EPHA4: variants seen among roughly 807,000 people sequenced by gnomAD.
EPHA4 encodes the protein ephrin type-A receptor 4.
EPHA4 carries 19 observed loss-of-function variants against 108.3 expected under a neutral mutation model. That is an observed-to-expected ratio of 0.18 (90% confidence interval 0.12 to 0.26). EPHA4 has a LOEUF of 0.26. Among genes scored for constraint, EPHA4 ranks in the 10% least tolerant of loss-of-function variants. EPHA4 has a pLI of 1.00. For synonymous variants in EPHA4, 449 were observed against 455.5 expected (o/e 0.99, Z 0.18); for missense variants, 917 against 1,254.0 (o/e 0.73, Z 4.06).
chr2:221,497,063 G>A (rs571749187), intron 4 of EPHA4, among the ~76,000 whole-genome samples: 6 of 14,686 alleles, frequency 4.1e-4, no homozygotes, highest in African/African-American at 1.4e-3. Flanking sequence ...AATTATGCAC[G>A]CAAGGGTAAA....
intron 8 of EPHA4, among the ~76,000 whole-genome samples, chr2:221,446,864 T>G (rs1690609105): frequency 6.6e-6 from 1 of 152,200 alleles, no homozygotes; most frequent in East Asian, 1.9e-4. Context: ...TGAGCTTTGT[T>G]TTGCTTTGCC....
intron 17 of EPHA4, among the ~76,000 whole-genome samples, chr2:221,423,850 C>T (rs57997414): frequency 0.073 from 11,127 of 151,940 alleles, 1,365 homozygotes; most frequent in African/African-American, 0.25. Context: ...GCGCAGTGAC[C>T]GACGCCTGTA....
intron 3 of EPHA4, among the ~76,000 whole-genome samples, chr2:221,526,534 A>G (rs962274355): frequency 1.9e-3 from 205 of 107,202 alleles, no homozygotes; most frequent in African/African-American, 9.2e-3. Context: ...AAACAACACA[A>G]TCTAGTGTAA....
At chr2:221,546,976 C>G (rs540257151) in intron 3 of EPHA4, among the ~76,000 whole-genome samples, 64 of 152,218 alleles carry the variant, frequency 4.2e-4, no homozygotes, top group African/African-American at 1.5e-3. Context: ...ATTTTTGTGG[C>G]TATCATAATT....
chr2:221,572,187 G>A lies in EPHA4; in HGVS notation c.62C>T (p.Thr21Ile), dbSNP rs765396923. 43 of 1,614,026 alleles carry A rather than the reference G, an allele frequency of 2.7e-5. No individual in the cohort carries two copies. In the South Asian group the frequency reaches 4.6e-4, roughly 17 times the overall value. The change falls in exon 1 of 18, where the codon ACA becomes ATA. Residue 21 changes from threonine (T) to isoleucine (I), a missense_variant. Transcript: ENST00000281821. ...ATTCGCGGGGTATACCCTGGAACCT[G>A]TGACAGCGTCGCAAATCCCGAAGAG... ...SCLFGICDAV[T>I]GSRVYPANEV...
intron 3 of EPHA4, among the ~76,000 whole-genome samples, chr2:221,522,960 C>A (rs1474645221): frequency 6.6e-6 from 1 of 151,954 alleles, no homozygotes; most frequent in Non-Finnish European, 1.5e-5. Context: ...CCATGTTCGC[C>A]AGGCTGGTCT....
At position 221,482,668 on chromosome 2, in the gene EPHA4, G is replaced by T; in HGVS notation, c.1002C>A (p.Asn334Lys). 1 of 1,598,822 alleles carries T rather than the reference G, an allele frequency of 6.3e-7. No homozygotes were observed. Among genetic ancestry groups the T allele is most frequent in the South Asian group, 1.1e-5 (1 of 90,654 alleles). Residue 334 changes from asparagine to lysine, a missense_variant, in exon 5 of 18, where the codon AAC becomes AAA. Physicochemically the swap from Asn to Lys is moderately conservative, Grantham distance 94 (BLOSUM62 0). Coordinates refer to ENST00000281821, the MANE Select transcript of EPHA4 (RefSeq NM_004438.5). Reference protein sequence around the residue: ...PCTRPPSAPLNLISNVNETSV... With the variant: ...PCTRPPSAPLKLISNVNETSV... ...ATGTCTCGTTGACATTTGAAATCAA[G>T]TTCAGGGGAGCAGATGGTGGACCTG...
chr2:221,558,611 CA>C (rs780950195), intron 3 of EPHA4, among the ~76,000 whole-genome samples: 153 of 152,156 alleles, frequency 1.0e-3, no homozygotes, highest in Non-Finnish European at 2.0e-3. Flanking sequence ...CAAGGAAGCT[CA>C]GTTAGACTAA....
intron 3 of EPHA4, among the ~76,000 whole-genome samples, chr2:221,547,259 A>C (rs1002287500): frequency 3.9e-5 from 6 of 152,226 alleles, no homozygotes; most frequent in African/African-American, 1.4e-4. Context: ...CATACCCAAC[A>C]TTTAGATTAT....
At position 221,443,505 on chromosome 2, in the gene EPHA4, C is replaced by T; in HGVS notation, c.1876G>A (p.Val626Ile). Residue 626 changes from valine (V) to isoleucine (I), a missense_variant, in exon 10 of 18, where the codon GTT becomes ATT. Around this residue, in one of 3 missense-constraint regions of EPHA4, gnomAD observed 758 missense variants for 1,076.7 expected, o/e 0.70. Coordinates refer to ENST00000281821, the MANE Select transcript of EPHA4 (RefSeq NM_004438.5). ...CTCAGACACTTACCAACTCCTATAACTTTTTCAATCTTAATGCAGGATGCG... is the reference window on the plus strand; with the variant it reads ...CTCAGACACTTACCAACTCCTATAATTTTTTCAATCTTAATGCAGGATGCG... ...IDASCIKIEK[V>I]IGVGEFGEVC... The T allele has an allele frequency of 1.2e-6, 2 of 1,613,728 alleles. No individual in the cohort carries two copies. The highest frequency in any genetic ancestry group is 1.7e-6 in the Non-Finnish European group (2 of 1,179,796).
intron 12 of EPHA4, 134 bp from the exon 13 acceptor site, chr2:221,436,742 T>G: frequency 5.2e-6 from 5 of 953,794 alleles, no homozygotes; most frequent in Middle Eastern, 2.2e-4. Context: ...TTCCAGGCCT[T>G]TCTGACCAAA....
chr2:221,559,149 A>T (rs1694384357), intron 3 of EPHA4, among the ~76,000 whole-genome samples: 1 of 152,220 alleles, frequency 6.6e-6, no homozygotes, highest in South Asian at 2.1e-4. Flanking sequence ...TTAATACGAT[A>T]CCTTTTGTTG....
rs1168493452 is a variant in EPHA4 at position 221,426,322 on chromosome 2, T to C, written c.2846+142A>G. 2.8e-6 allele frequency: 3 copies of C among 1,071,934 alleles called. No homozygotes were observed. The African/African-American group carries it at 4.8e-5, about 17-fold the overall frequency. 66.4% of individuals were successfully genotyped at this position (1,071,934 alleles called of 1,614,324 possible). A position where few individuals can be genotyped will look rare whatever the true frequency, so the allele number is the denominator to read the frequency against. ...AAGAATGTAGATACTTTATAGAGGC[T>C]GTGTAAAATTATACTCAATCAAAAT... is the stretch of plus-strand genomic sequence containing the variant. On this transcript the variant is annotated intron_variant, in intron 16 of 17. Transcript: ENST00000281821.
At chr2:221,482,199 C>G (rs866398590) in intron 5 of EPHA4, among the ~76,000 whole-genome samples, 153 bp downstream of exon 5, 1 of 152,196 alleles carries the variant, frequency 6.6e-6, no homozygotes, top group African/African-American at 2.4e-5. Context: ...GTGTAAGCCA[C>G]CGTGCCCAGC....
intron 8 of EPHA4, among the ~76,000 whole-genome samples, chr2:221,452,711 A>T (rs1047911625): frequency 1.3e-5 from 2 of 150,046 alleles, no homozygotes; most frequent in Admixed American, 6.6e-5. Context: ...GGGAAGTGAC[A>T]TTTTTTTTTT....
At chr2:221,441,765 C>T (rs867436221) in intron 11 of EPHA4, among the ~76,000 whole-genome samples, 2 of 152,060 alleles carry the variant, frequency 1.3e-5, no homozygotes, top group African/African-American at 2.4e-5. Flanking sequence ...AGTTTGAGCT[C>T]GGTGGCCAAG....
intron 5 of EPHA4, 125 bp from the exon 6 acceptor site, chr2:221,458,115 C>T: frequency 2.6e-6 from 3 of 1,145,054 alleles, no homozygotes; most frequent in Non-Finnish European, 3.6e-6. Flanking sequence ...TCCCCCTTGA[C>T]CATTTTACTC....
intron 11 of EPHA4, among the ~76,000 whole-genome samples, chr2:221,437,900 G>T (rs200769614): frequency 3.1e-4 from 1 of 3,248 alleles, no homozygotes; most frequent in Non-Finnish European, 5.5e-4. Flanking sequence ...TCCAGCCTGG[G>T]GGGCGACGAT....
chr2:221,517,277 G>A (rs1005512837), intron 3 of EPHA4, among the ~76,000 whole-genome samples: 7 of 152,142 alleles, frequency 4.6e-5, no homozygotes, highest in African/African-American at 7.2e-5. Flanking sequence ...CCTACAGTAG[G>A]CATGTATTAG....
Sources: allele counts gnomAD v4.1 joint callset (sites outside exome capture counted in the v4.1 genomes callset), GRCh38; gene constraint gnomAD v4.1.1; regional missense constraint gnomAD v4.1.1; transcripts MANE v1.5; gene names NCBI Gene and HGNC (gene_info 2026-07-23, HGNC 2026-07-21).